Variants in PROM1 observed in about 807,000 individuals in gnomAD.
PROM1 encodes prominin-1.
Under a neutral mutation model 116.9 loss-of-function variants are expected in PROM1, and 105 were observed. That is an observed-to-expected ratio of 0.90 (90% confidence interval 0.77 to 1.06). The LOEUF (loss-of-function observed/expected upper bound fraction) is 1.06. PROM1 is among the 50% of genes least tolerant of loss of function. The pLI, the probability that PROM1 is intolerant of heterozygous loss-of-function variation, is 0.00. For synonymous variants in PROM1, 393 were observed against 387.0 expected (o/e 1.02, Z -0.18); for missense variants, 1,122 against 1,045.2 (o/e 1.07, Z -1.01).
intron 15 of PROM1, 97 bp downstream of exon 15, chr4:15,998,288 T>C: frequency 7.0e-7 from 1 of 1,429,672 alleles, no homozygotes; most frequent in Non-Finnish European, 9.2e-7. Context: ...AACATGAAAG[T>C]CATATAATTA....
chr4:16,076,194 G>A (rs139682853), intron 1 of PROM1, 76 bp from the exon 2 acceptor site: 249 of 373,030 alleles, frequency 6.7e-4, no homozygotes, highest in African/African-American at 4.4e-3. Context: ...CGGAGAGGAC[G>A]CTGCAAAGCT....
intron 13 of PROM1, among the ~76,000 whole-genome samples, chr4:16,005,697 A>AAGGAAT (rs1725300148): frequency 1.3e-5 from 2 of 152,134 alleles, no homozygotes; most frequent in African/African-American, 4.8e-5. Flanking sequence ...TCACTCCCCA[A>AAGGAAT]AGGAATTGTT....
intron 2 of PROM1, among the ~76,000 whole-genome samples, chr4:16,041,030 G>A (rs12152560): frequency 0.089 from 13,595 of 152,314 alleles, 803 homozygotes; most frequent in East Asian, 0.29. Context: ...AGATCCTCAC[G>A]GGTCTGAACC....
In PROM1 at chr4:16,024,305, T is replaced by C. The variant is rs370582316; in HGVS notation, c.684A>G (p.Thr228=). The C allele has an allele frequency of 1.5e-4, 247 of 1,613,374 alleles. 1 individual carries two copies. In the African/African-American group the frequency reaches 2.0e-3, roughly 13 times the overall value. Reference sequence around the variant, plus strand: ...TTAAATTTTACTCACTGTTCAGATCTGTGAACGCCTTGTCCTTGGTAGTGT... The same window carrying C: ...TTAAATTTTACTCACTGTTCAGATCCGTGAACGCCTTGTCCTTGGTAGTGT... ...QYNTTKDKAF[T]DLNSINSVLG... The change falls in exon 7 of 28, where the codon ACA becomes ACG. Residue 228 remains threonine (T), a synonymous_variant. Coordinates refer to ENST00000447510, the MANE Select transcript of PROM1 (RefSeq NM_006017.3).
intron 2 of PROM1, among the ~76,000 whole-genome samples, chr4:16,043,626 C>A (rs1289076950): frequency 6.6e-6 from 1 of 152,192 alleles, no homozygotes; most frequent in African/African-American, 2.4e-5. Flanking sequence ...GGCAGCATCA[C>A]GGGAGCCCCA....
At chr4:15,976,527 C>T (rs80075454) in intron 26 of PROM1, among the ~76,000 whole-genome samples, 3,325 of 152,286 alleles carry the variant, frequency 0.022, 116 homozygotes, top group African/African-American at 0.076. Flanking sequence ...AAAGGTCTCA[C>T]GTGGTGGCAT....
chr4:16,025,400 G>A lies in PROM1; in HGVS notation c.510-88C>T, dbSNP rs1014501170. ...GTCCAGGCAGCAGAGCAGGAGTCAGGGAGGAGCCCGCAGAAGGACTGGCCT... is the reference window on the plus strand; with the variant it reads ...GTCCAGGCAGCAGAGCAGGAGTCAGAGAGGAGCCCGCAGAAGGACTGGCCT... On this transcript the variant is annotated intron_variant, in intron 5 of 27. Coordinates refer to ENST00000447510, the MANE Select transcript of PROM1 (RefSeq NM_006017.3). 5 of 1,509,472 alleles carry A rather than the reference G, an allele frequency of 3.3e-6. No homozygotes were observed. In the Middle Eastern group the frequency reaches 5.4e-4, roughly 162 times the overall value. The allele number at this position is 1,509,472 out of a possible 1,614,324, so 93.5% of individuals were successfully genotyped here.
intron 2 of PROM1, among the ~76,000 whole-genome samples, chr4:16,064,998 C>A (rs1442071871): frequency 6.6e-6 from 1 of 152,206 alleles, no homozygotes; most frequent in Non-Finnish European, 1.5e-5. Context: ...GCTGTTGGCA[C>A]CAAAGGCCAC....
At chr4:16,027,927 A>G (rs1731731704) in intron 5 of PROM1, among the ~76,000 whole-genome samples, 1 of 152,228 alleles carries the variant, frequency 6.6e-6, no homozygotes, top group African/African-American at 2.4e-5. Flanking sequence ...ACATTTCACT[A>G]CAACACTCGA....
In PROM1 at chr4:16,054,524, C is replaced by T. The variant is rs144741718; in HGVS notation, c.221-15523G>A. 9.0e-3 allele frequency among the ~76,000 whole-genome samples: 1,363 copies of T among 152,260 alleles called. 41 individuals are homozygous for T. Among genetic ancestry groups the T allele is most frequent in the East Asian group, 0.07 (363 of 5,182 alleles). ...TATGGTCACCATAAATCAAGTGATCCTGAGTTCAAATTCCAGGTCAGAAAC... is the reference window on the plus strand; with the variant it reads ...TATGGTCACCATAAATCAAGTGATCTTGAGTTCAAATTCCAGGTCAGAAAC... On this transcript the variant is annotated intron_variant, in intron 2 of 27. Coordinates refer to ENST00000447510, the MANE Select transcript of PROM1 (RefSeq NM_006017.3).
At chr4:16,019,012 G>A (rs1384327894) in intron 8 of PROM1, among the ~76,000 whole-genome samples, 1 of 152,200 alleles carries the variant, frequency 6.6e-6, no homozygotes, top group African/African-American at 2.4e-5. Flanking sequence ...ATTCAGGCAG[G>A]TCTAGGCATG....
chr4:16,023,490 A>G, intron 7 of PROM1, 75 bp from the exon 8 acceptor site: 2 of 1,211,966 alleles, frequency 1.7e-6, no homozygotes, highest in African/African-American at 1.5e-5. Flanking sequence ...TTCTCTCCAC[A>G]CTGCCTCAAG....
intron 2 of PROM1, among the ~76,000 whole-genome samples, chr4:16,043,421 C>T (rs1304888295): frequency 1.3e-5 from 2 of 152,222 alleles, no homozygotes; most frequent in African/African-American, 4.8e-5. Context: ...TGGCCTCAGC[C>T]TCCAGAGTAG....
At chr4:16,022,075 T>G (rs1184364784) in intron 8 of PROM1, among the ~76,000 whole-genome samples, 17 of 121,364 alleles carry the variant, frequency 1.4e-4, no homozygotes, top group South Asian at 5.0e-4. Flanking sequence ...AAGAAAGGAG[T>G]AGGGGAGAGA....
chr4:16,026,163 T>A (rs1731219676), intron 5 of PROM1, among the ~76,000 whole-genome samples: 1 of 152,248 alleles, frequency 6.6e-6, no homozygotes, highest in Non-Finnish European at 1.5e-5. Flanking sequence ...AAGCCTTCTC[T>A]ATGTGAAAAA....
intron 14 of PROM1, among the ~76,000 whole-genome samples, chr4:15,999,755 A>G (rs10939648): frequency 0.11 from 16,525 of 152,134 alleles, 1,015 homozygotes; most frequent in East Asian, 0.2. Context: ...TGACAACAGT[A>G]TTCTCCTGAT....
intron 7 of PROM1, 117 bp from the exon 8 acceptor site, chr4:16,023,532 G>A: frequency 2.7e-6 from 2 of 753,244 alleles, no homozygotes; most frequent in Non-Finnish European, 2.2e-6. Context: ...TTTGCATCCT[G>A]GACCCTGTCT....
At chr4:16,057,299 A>G (rs1344340144) in intron 2 of PROM1, among the ~76,000 whole-genome samples, 8 of 152,210 alleles carry the variant, frequency 5.3e-5, no homozygotes, top group Non-Finnish European at 2.9e-5. Context: ...AGAGGATATA[A>G]AAACGTATAC....
chr4:15,988,011 G>A (rs1719921545), intron 19 of PROM1, among the ~76,000 whole-genome samples: 1 of 151,924 alleles, frequency 6.6e-6, no homozygotes, highest in Non-Finnish European at 1.5e-5. Flanking sequence ...TGAGTAGCTG[G>A]GACTACAGGC....
Sources: gnomAD v4.1 joint callset for allele counts (sites outside exome capture counted in the v4.1 genomes callset) on GRCh38, gnomAD v4.1.1 for gene constraint, MANE v1.5 for transcripts, NCBI Gene and HGNC (gene_info 2026-07-23, HGNC 2026-07-21) for gene names.